The following LRRC1 variants were observed in gnomAD, a reference collection of about 807,000 sequenced individuals.
LRRC1 encodes the protein leucine rich repeat containing 1.
A neutral mutation model predicts 69.9 loss-of-function variants in LRRC1; 28 were observed. That is an observed-to-expected ratio of 0.40 (90% CI 0.30 to 0.55). The LOEUF is 0.55. LRRC1 is among the 20% of genes least tolerant of loss of function. LRRC1 has a pLI of 0.47. For missense variants in LRRC1, 498 were observed against 609.0 expected (o/e 0.82, Z 1.92); for synonymous variants, 236 against 240.2 (o/e 0.98, Z 0.16).
At chr6:53,878,072 C>G (rs574976598) in intron 2 of LRRC1, among the ~76,000 whole-genome samples, 2 of 152,116 alleles carry the variant, frequency 1.3e-5, no homozygotes, top group African/African-American at 4.8e-5. Flanking sequence ...ATGTGGATGA[C>G]GACAGGCAAA....
chr6:53,848,602 A>G (rs984517159), intron 2 of LRRC1, among the ~76,000 whole-genome samples: 2 of 152,128 alleles, frequency 1.3e-5, no homozygotes, highest in African/African-American at 4.8e-5. Context: ...GTCTGCTTTC[A>G]GAGGGTCAAG....
At chr6:53,805,992 G>T (rs1346401938) in intron 1 of LRRC1, among the ~76,000 whole-genome samples, 1 of 152,172 alleles carries the variant, frequency 6.6e-6, no homozygotes, top group Non-Finnish European at 1.5e-5. Flanking sequence ...AGTTGCTGAT[G>T]TATTGTTTCA....
intron 1 of LRRC1, among the ~76,000 whole-genome samples, chr6:53,801,073 A>G (rs1764472162): frequency 6.6e-6 from 1 of 152,234 alleles, no homozygotes; most frequent in African/African-American, 2.4e-5. Flanking sequence ...GGAGGAACAG[A>G]TGTGAACTTA....
At chr6:53,901,202 G>A (rs1768046695) in intron 8 of LRRC1, among the ~76,000 whole-genome samples, 1 of 152,176 alleles carries the variant, frequency 6.6e-6, no homozygotes, top group African/African-American at 2.4e-5. Flanking sequence ...CAAAGAAAGA[G>A]ATGTATTACA....
At chr6:53,841,946 A>G (rs1172596689) in intron 1 of LRRC1, among the ~76,000 whole-genome samples, 164 bp from the exon 2 acceptor site, 3 of 152,162 alleles carry the variant, frequency 2.0e-5, no homozygotes, top group African/African-American at 4.8e-5. Flanking sequence ...GTTTTTCCCA[A>G]TGGTAACATC....
intron 1 of LRRC1, among the ~76,000 whole-genome samples, chr6:53,832,651 G>A (rs1464306247): frequency 6.6e-6 from 1 of 152,016 alleles, no homozygotes; most frequent in Non-Finnish European, 1.5e-5. Context: ...CTCTTTTCAA[G>A]TTTTACTTGA....
chr6:53,889,586 A>G (rs944751745), intron 4 of LRRC1, among the ~76,000 whole-genome samples: 1 of 152,220 alleles, frequency 6.6e-6, no homozygotes, highest in Non-Finnish European at 1.5e-5. Flanking sequence ...AATGCATGCT[A>G]TAGTCAAATC....
chr6:53,922,902 C>A lies in LRRC1; in HGVS notation c.*109C>A, dbSNP rs1768782369. The A allele has an allele frequency of 9.3e-7, 1 of 1,077,348 alleles. No individual in the cohort carries two copies. Among genetic ancestry groups the A allele is most frequent in the Non-Finnish European group, 1.4e-6 (1 of 740,504 alleles). The allele number at this position is 1,077,348 out of a possible 1,614,324, so 66.7% of individuals were successfully genotyped here. ...CTTGTCCTAACCAGCCCCCGCGCGC[C>A]ATCTTCCCGTGGAGTGTGGGGAAGC... On this transcript the variant is annotated 3_prime_UTR_variant, in exon 14 of 14. Coordinates refer to ENST00000370888, the MANE Select transcript of LRRC1 (RefSeq NM_018214.5).
At chr6:53,912,918 G>A (rs1226622761) in intron 10 of LRRC1, among the ~76,000 whole-genome samples, 1 of 152,120 alleles carries the variant, frequency 6.6e-6, no homozygotes, top group Non-Finnish European at 1.5e-5. Flanking sequence ...CAAGAAGAAT[G>A]TAGTACTTTA....
intron 2 of LRRC1, among the ~76,000 whole-genome samples, chr6:53,863,378 A>T (rs376413542): frequency 1.7e-4 from 26 of 152,058 alleles, no homozygotes; most frequent in African/African-American, 6.0e-4. Flanking sequence ...TCTTCTGTGG[A>T]TGAGTGAATC....
Position 53,905,964 on chromosome 6 carries a change from T to C in LRRC1, c.990+1502T>C, listed in dbSNP as rs147619523. On this transcript the variant is annotated intron_variant, in intron 10 of 13. Transcript: ENST00000370888. ...AATAAACCAAAATACAGAACTGATA[T>C]TCTGAACAGTTGAATTTACTCTTGC... Among the ~76,000 whole-genome samples, 93 of 152,352 alleles carry C rather than the reference T, an allele frequency of 6.1e-4. 1 individual carries two copies. In the East Asian group the frequency reaches 0.017, roughly 28 times the overall value.
intron 4 of LRRC1, among the ~76,000 whole-genome samples, chr6:53,893,845 A>G (rs1336405489): frequency 2.0e-5 from 3 of 152,182 alleles, no homozygotes; most frequent in South Asian, 2.1e-4. Flanking sequence ...GCAGGATATT[A>G]TATCTGGGTG....
chr6:53,828,513 G>T (rs771862063), intron 1 of LRRC1, among the ~76,000 whole-genome samples: 31 of 152,352 alleles, frequency 2.0e-4, no homozygotes, highest in Admixed American at 1.1e-3. Flanking sequence ...CACAGTTTAG[G>T]TCCACCCTTC....
chr6:53,898,870 G>GTAGA (rs1231622670), intron 7 of LRRC1, among the ~76,000 whole-genome samples: 4 of 152,226 alleles, frequency 2.6e-5, no homozygotes, highest in African/African-American at 9.6e-5. Flanking sequence ...TTGTACTCAT[G>GTAGA]TAGACATCAG....
chr6:53,801,031 G>C (rs1764470428), intron 1 of LRRC1, among the ~76,000 whole-genome samples: 1 of 152,216 alleles, frequency 6.6e-6, no homozygotes, highest in Non-Finnish European at 1.5e-5. Flanking sequence ...GACTGTGTTT[G>C]AGCATTCCTT....
chr6:53,879,322 G>A (rs1767184250), intron 3 of LRRC1, among the ~76,000 whole-genome samples: 1 of 152,208 alleles, frequency 6.6e-6, no homozygotes, highest in Non-Finnish European at 1.5e-5. Flanking sequence ...TACAAAACAG[G>A]ATGAGGAGTG....
chr6:53,910,536 A>G (rs1282660676), intron 10 of LRRC1, among the ~76,000 whole-genome samples: 2 of 152,202 alleles, frequency 1.3e-5, no homozygotes, highest in Non-Finnish European at 2.9e-5. Flanking sequence ...TGCCAGCATC[A>G]GTACAGTTCT....
chr6:53,852,540 A>G (rs1464914169), intron 2 of LRRC1, among the ~76,000 whole-genome samples: 1 of 152,196 alleles, frequency 6.6e-6, no homozygotes, highest in African/African-American at 2.4e-5. Context: ...CATCTCAGGG[A>G]TGGCTGATGA....
chr6:53,799,865 C>G (rs1764416325), intron 1 of LRRC1, among the ~76,000 whole-genome samples: 1 of 152,214 alleles, frequency 6.6e-6, no homozygotes, highest in African/African-American at 2.4e-5. Context: ...CTTCTTCTCT[C>G]CATTTTGTTG....
Sources: gnomAD v4.1 joint callset for allele counts (sites outside exome capture counted in the v4.1 genomes callset) on GRCh38, gnomAD v4.1.1 for gene constraint, MANE v1.5 for transcripts, NCBI Gene and HGNC (gene_info 2026-07-23, HGNC 2026-07-21) for gene names.